The following SYNPO variants were observed in gnomAD, a reference collection of about 807,000 sequenced individuals.
The protein encoded by SYNPO is synaptopodin.
Under a neutral mutation model 49.5 loss-of-function variants are expected in SYNPO, and 19 were observed. The observed-to-expected ratio is 0.38, with a 90% CI of 0.27 to 0.56. The LOEUF is 0.56. Ranked by LOEUF, SYNPO falls within the 20% of genes least tolerant of loss-of-function variation. The pLI is 0.68. For missense variants in SYNPO, 1,131 were observed against 1,248.3 expected (o/e 0.91, Z 1.42); for synonymous variants, 536 against 548.0 (o/e 0.98, Z 0.31).
rs1208831908 is a variant in SYNPO at position 150,657,426 on chromosome 5, TCTCTCTCACACA to T, written c.*341_*352del. On this transcript the variant is annotated 3_prime_UTR_variant, in exon 3 of 3. Transcript: ENST00000307662. ...CACACACTCTCTCTTTCTCTCTCTC[TCTCTCTCACACA>T]CACACACACACACACACACACACAC... The T allele has an allele frequency of 1.7e-5, 3 of 172,548 alleles. No homozygotes were observed. The highest frequency in any genetic ancestry group is 7.2e-5 in the Admixed American group (1 of 13,796). 10.7% of individuals were successfully genotyped at this position (172,548 alleles called of 1,614,324 possible). A position where few individuals can be genotyped will look rare whatever the true frequency, so the allele number is the denominator to read the frequency against.
Position 150,650,194 on chromosome 5 carries a change from C to T in SYNPO, c.1919C>T (p.Pro640Leu). ...DSLQPTAVSP[P>L]YGGDISPVSP... ...CTGCAGCCCACTGCCGTGAGCCCTC[C>T]TTACGGCGGTGACATCTCCCCCGTG... is the stretch of plus-strand genomic sequence containing the variant. Residue 640 changes from proline to leucine, a missense_variant, in exon 2 of 3, where the codon CCT becomes CTT. Pro to Leu is a moderately conservative substitution (Grantham distance 98). Around this residue, in one of 4 missense-constraint regions of SYNPO, gnomAD observed 509 missense variants for 484.5 expected, o/e 1.05. Transcript: ENST00000307662. The T allele has an allele frequency of 3.1e-6, 5 of 1,614,000 alleles. No homozygotes were observed. The highest frequency in any genetic ancestry group is 1.1e-5 in the South Asian group (1 of 91,080).
intron 1 of SYNPO, among the ~76,000 whole-genome samples, chr5:150,601,611 G>C (rs552159780): frequency 1.3e-5 from 2 of 152,328 alleles, no homozygotes; most frequent in Admixed American, 1.3e-4. Flanking sequence ...GAGCCTGTCT[G>C]CAGGTCGGTG....
chr5:150,629,598 G>A (rs1757473157), intron 2 of SYNPO, among the ~76,000 whole-genome samples: 2 of 152,160 alleles, frequency 1.3e-5, no homozygotes, highest in African/African-American at 4.8e-5. Flanking sequence ...GGCTGGATGA[G>A]CCCCTGGGAC....
chr5:150,649,335 C>T lies in SYNPO; in HGVS notation c.1060C>T (p.Leu354=), dbSNP rs1211435615. The T allele has an allele frequency of 6.2e-7, 1 of 1,614,110 alleles. No homozygotes were observed. The highest frequency in any genetic ancestry group is 2.2e-5 in the East Asian group (1 of 44,902). The change falls in exon 2 of 3, where the codon CTG becomes TTG. Residue 354 remains leucine, a synonymous_variant. Transcript: ENST00000307662. The part of the protein sequence containing the change: ...YPSSDPKSSH[L]KGQAVPASKT... The stretch of plus-strand genomic sequence containing the variant: ...CAGCTCCGACCCCAAGTCTTCTCAT[C>T]TGAAGGGCCAGGCGGTTCCTGCCAG...
At chr5:150,646,070 C>G (rs1241787296) in intron 1 of SYNPO, among the ~76,000 whole-genome samples, 2 of 151,856 alleles carry the variant, frequency 1.3e-5, no homozygotes, top group Admixed American at 1.3e-4. Flanking sequence ...TGGCTCATGC[C>G]TATAATCTCA....
At chr5:150,606,324 G>A (rs1756692522) in intron 1 of SYNPO, among the ~76,000 whole-genome samples, 1 of 152,174 alleles carries the variant, frequency 6.6e-6, no homozygotes, top group Non-Finnish European at 1.5e-5. Context: ...CCCCCTCACT[G>A]CAGTAATACC....
At chr5:150,619,220 TG>T (rs1757075079) in intron 2 of SYNPO, among the ~76,000 whole-genome samples, 1 of 152,016 alleles carries the variant, frequency 6.6e-6, no homozygotes. Flanking sequence ...GCTGACCTCA[TG>T]GAGCTTGGGA....
In SYNPO at chr5:150,650,120, G is replaced by T; in HGVS notation, c.1845G>T (p.Arg615=). Residue 615 remains arginine (R), a synonymous_variant, in exon 2 of 3, where the codon CGG becomes CGT. Transcript: ENST00000307662. The part of the protein sequence containing the change: ...GALPPSPALP[R]PSRSSPGLYT... ...TCCCTCCATCTCCTGCCCTGCCTCGGCCCTCGCGCTCCTCACCGGGCCTCT... is the reference window on the plus strand; with the variant it reads ...TCCCTCCATCTCCTGCCCTGCCTCGTCCCTCGCGCTCCTCACCGGGCCTCT... 1 of 1,612,770 alleles carries T rather than the reference G, an allele frequency of 6.2e-7. No individual in the cohort carries two copies. The highest frequency in any genetic ancestry group is 1.1e-5 in the South Asian group (1 of 91,038).
intron 2 of SYNPO, among the ~76,000 whole-genome samples, chr5:150,626,687 C>T (rs577989995): frequency 2.6e-5 from 4 of 152,334 alleles, no homozygotes; most frequent in African/African-American, 7.2e-5. Flanking sequence ...GGCATTCAGG[C>T]GCGTGGTTCC....
chr5:150,621,228 T>C (rs1757163085), intron 2 of SYNPO, among the ~76,000 whole-genome samples: 1 of 152,156 alleles, frequency 6.6e-6, no homozygotes, highest in Non-Finnish European at 1.5e-5. Flanking sequence ...GCTGGGATTA[T>C]AGGCGTGAGC....
chr5:150,654,932 C>G (rs1396130246), intron 2 of SYNPO, among the ~76,000 whole-genome samples: 1 of 152,104 alleles, frequency 6.6e-6, no homozygotes, highest in African/African-American at 2.4e-5. Flanking sequence ...TCGAGACCAG[C>G]CTGACCAACA....
chr5:150,648,909 C>T lies in SYNPO; in HGVS notation c.634C>T (p.Arg212Ter), dbSNP rs2151422722. ...VVSADQEMSG[R>*]AAATTPTKVY... Reference sequence around the variant, plus strand: ...GTCAGCAGATCAAGAGATGTCTGGGCGAGCAGCTGCCACCACGCCCACCAA... The same window carrying T: ...GTCAGCAGATCAAGAGATGTCTGGGTGAGCAGCTGCCACCACGCCCACCAA... The change falls in exon 2 of 3, where the codon CGA (arginine) becomes TGA (stop). Residue 212 changes from arginine to a stop codon, truncating the protein, a stop_gained. Coordinates refer to ENST00000307662, the MANE Select transcript of SYNPO (RefSeq NM_007286.6). LOFTEE classifies it high-confidence loss of function. This position sits in a 1 kb window ranked among gnomAD's most constrained non-coding sequence, Gnocchi z 5.0. 1.9e-6 allele frequency: 3 copies of T among 1,614,204 alleles called. No individual in the cohort carries two copies. Among genetic ancestry groups the T allele is most frequent in the South Asian group, 1.1e-5 (1 of 91,086 alleles).
At chr5:150,618,521 C>T in exon 2 of SYNPO, 1 of 1,551,072 alleles carries the variant, frequency 6.4e-7, no homozygotes, top group Non-Finnish European at 8.7e-7. Flanking sequence ...AGAGGTGGGG[C>T]CTACCGACCT....
chr5:150,620,433 T>C (rs7735358), intron 2 of SYNPO, among the ~76,000 whole-genome samples: 15,047 of 152,260 alleles, frequency 0.099, 1,785 homozygotes, highest in East Asian at 0.27. Flanking sequence ...CTTTTATTAT[T>C]TTCATTATAC....
At position 150,648,711 on chromosome 5, in the gene SYNPO, C is replaced by T; in HGVS notation, c.436C>T (p.Pro146Ser). ...GTGTGCTGATGGGCAACCCCAGGCA[C>T]CGGCTGAGGAGGTGAGATGCAGCAC... ...TLCADGQPQA[P>S]AEEVRCSTLL... Residue 146 changes from proline (P) to serine (S), a missense_variant, in exon 2 of 3, where the codon CCG (proline) becomes TCG (serine). Pro to Ser is a moderately conservative substitution (Grantham distance 74, BLOSUM62 -1). This residue lies in a region of SYNPO where 602 missense variants were observed against 720.7 expected (regional missense o/e 0.84). Transcript: ENST00000307662. The surrounding 1 kb of genome is among the most constrained non-coding windows in gnomAD (Gnocchi z 5.0). 1 of 1,614,214 alleles carries T rather than the reference C, an allele frequency of 6.2e-7. No individual in the cohort carries two copies. The highest frequency in any genetic ancestry group is 8.5e-7 in the Non-Finnish European group (1 of 1,180,030).
intron 1 of SYNPO, among the ~76,000 whole-genome samples, chr5:150,604,214 T>C (rs1458622289): frequency 3.3e-5 from 5 of 152,228 alleles, no homozygotes; most frequent in Non-Finnish European, 4.4e-5. Flanking sequence ...GGCACGGTTA[T>C]AGAGAGATCT....
At position 150,649,745 on chromosome 5, in the gene SYNPO, G is replaced by A. The variant is rs202165188; in HGVS notation, c.1470G>A (p.Arg490=). The change falls in exon 2 of 3, where the codon CGG becomes CGA. Residue 490 remains arginine, a synonymous_variant. Coordinates refer to ENST00000307662, the MANE Select transcript of SYNPO (RefSeq NM_007286.6). ...AGCTCTACGCCCGCCGCCAGTCACG[G>A]ATGGAGAAATATGTCATCGAGTCTT... The part of the protein sequence containing the change: ...GAELYARRQS[R]MEKYVIESSS... 6.8e-6 allele frequency: 11 copies of A among 1,613,150 alleles called. No homozygotes were observed. In the East Asian group the frequency reaches 2.2e-4, roughly 33 times the overall value.
chr5:150,629,368 C>T (rs897670334), intron 2 of SYNPO, among the ~76,000 whole-genome samples: 3 of 152,146 alleles, frequency 2.0e-5, no homozygotes, highest in Admixed American at 6.5e-5. Context: ...GCTTCAGGAA[C>T]GGATGCTCGA....
the SYNPO span, among the ~76,000 whole-genome samples, chr5:150,586,560 G>A: frequency 7.0e-6 from 1 of 143,554 alleles, no homozygotes; most frequent in Non-Finnish European, 1.5e-5. Context: ...ATACATGGAC[G>A]GGTGGATGGA....
Sources: gnomAD v4.1 joint callset for allele counts (sites outside exome capture counted in the v4.1 genomes callset) on GRCh38, gnomAD v4.1.1 for gene constraint, gnomAD v4.1.1 regional missense constraint, Gnocchi (gnomAD v3.1) non-coding constraint, MANE v1.5 for transcripts, NCBI Gene and HGNC (gene_info 2026-07-23, HGNC 2026-07-21) for gene names.